Variants in GRIN1 observed in about 807,000 individuals in gnomAD.
GRIN1 encodes the protein glutamate receptor ionotropic, NMDA 1.
GRIN1 carries 38 observed loss-of-function variants against 103.0 expected under a neutral mutation model. The observed-to-expected ratio is 0.37, with a 90% CI of 0.28 to 0.48. The LOEUF is 0.48. GRIN1 is among the 20% of genes least tolerant of loss of function. GRIN1 has a pLI of 0.98. For missense variants in GRIN1, 577 were observed against 1,288.9 expected (o/e 0.45, Z 8.46); for synonymous variants, 544 against 532.7 (o/e 1.02, Z -0.29).
intron 4 of GRIN1, 139 bp from the exon 5 acceptor site, chr9:137,156,530 C>T (rs1833228441): frequency 4.0e-6 from 5 of 1,254,024 alleles, no homozygotes; most frequent in Admixed American, 2.2e-5. Flanking sequence ...CGCAGCGCCT[C>T]TGCGAGGTCT....
intron 19 of GRIN1, 74 bp from the exon 20 acceptor site, chr9:137,167,335 GCA>G: frequency 8.7e-7 from 1 of 1,148,124 alleles, no homozygotes; most frequent in Non-Finnish European, 1.3e-6. Context: ...GGCCAGGGCG[GCA>G]CTGGGCGCTG....
At chr9:137,160,524 G>C (rs1833474457) in intron 8 of GRIN1, among the ~76,000 whole-genome samples, 1 of 152,254 alleles carries the variant, frequency 6.6e-6, no homozygotes, top group Admixed American at 6.5e-5. Context: ...CCGCCTCCCG[G>C]GTTCACGCCA....
intron 3 of GRIN1, chr9:137,148,013 C>CGGTG: frequency 1.6e-6 from 1 of 607,656 alleles, no homozygotes; most frequent in Non-Finnish European, 2.9e-6. Context: ...CCCCGGGCCT[C>CGGTG]GGTGTTTGCG....
At chr9:137,156,823 G>C in intron 5 of GRIN1, 33 bp downstream of exon 5, 2 of 1,604,618 alleles carry the variant, frequency 1.2e-6, no homozygotes, top group Non-Finnish European at 1.7e-6. Context: ...GTCCCCGAAC[G>C]GGGAGGACCC....
intron 1 of GRIN1, among the ~76,000 whole-genome samples, chr9:137,140,731 A>C (rs1430785015): frequency 1.3e-5 from 2 of 152,248 alleles, no homozygotes; most frequent in Non-Finnish European, 2.9e-5. Flanking sequence ...GATGCACATA[A>C]CCATACCCTA....
At chr9:137,145,971 G>A (rs1044356976) in intron 3 of GRIN1, 69 bp downstream of exon 3, 1 of 1,156,064 alleles carries the variant, frequency 8.7e-7, no homozygotes, top group African/African-American at 1.5e-5. Context: ...TTGTGTCTGT[G>A]GCTCCGTGTG....
At chr9:137,160,851 G>A (rs1480927127) in intron 8 of GRIN1, among the ~76,000 whole-genome samples, 1 of 152,204 alleles carries the variant, frequency 6.6e-6, no homozygotes, top group Non-Finnish European at 1.5e-5. Flanking sequence ...CGATGCTGAC[G>A]GTGGCTGGGG....
intron 3 of GRIN1, chr9:137,148,098 G>C: frequency 8.3e-7 from 1 of 1,208,544 alleles, no homozygotes; most frequent in Non-Finnish European, 1.2e-6. Flanking sequence ...ATTTTCAACC[G>C]TTTATAATCT....
rs375843969 is a variant in GRIN1, at chr9:137,161,305, T to A, written c.1356T>A (p.Pro452=). Residue 452 remains proline (P), a synonymous_variant, in exon 10 of 20, where the codon CCT becomes CCA. Coordinates refer to ENST00000371561, the MANE Select transcript of GRIN1 (RefSeq NM_007327.4). ...TSPGSPRHTV[P]QCCYGFCIDL... ...CCTACCCAGCCCGCCACACGGTGCC[T>A]CAGTGTTGCTACGGCTTTTGCATCG... The A allele has an allele frequency of 1.9e-6, 3 of 1,612,478 alleles. No homozygotes were observed. The highest frequency in any genetic ancestry group is 2.5e-6 in the Non-Finnish European group (3 of 1,179,690).
chr9:137,151,768 C>T (rs1413393016), intron 4 of GRIN1, among the ~76,000 whole-genome samples: 1 of 152,162 alleles, frequency 6.6e-6, no homozygotes, highest in African/African-American at 2.4e-5. Flanking sequence ...TGGGTTCAAG[C>T]GATTCTCCTG....
intron 19 of GRIN1, among the ~76,000 whole-genome samples, chr9:137,166,398 C>T (rs1007413083): frequency 2.0e-5 from 3 of 152,236 alleles, no homozygotes; most frequent in African/African-American, 7.2e-5. Context: ...ACCTCAGCCC[C>T]GTGGCCACCC....
chr9:137,167,540 G>T lies in GRIN1; in HGVS notation c.*13G>T. 1.3e-6 allele frequency: 1 copy of T among 774,456 alleles called. No homozygotes were observed. The highest frequency in any genetic ancestry group is 5.6e-5 in the East Asian group (1 of 17,808). 48.0% of individuals were successfully genotyped at this position (774,456 alleles called of 1,614,324 possible). On this transcript the variant is annotated 3_prime_UTR_variant, in exon 20 of 20. Transcript: ENST00000371561. ...TAGGGAGAGCTGAGACTCCCCGCCC[G>T]CCCTCCTCTGCCCCCTCCCCCGCAG...
chr9:137,144,139 G>A (rs1307211429), intron 2 of GRIN1, among the ~76,000 whole-genome samples: 1 of 152,192 alleles, frequency 6.6e-6, no homozygotes, highest in Non-Finnish European at 1.5e-5. Context: ...TTGTCCAAAG[G>A]TGGTGGGCTG....
rs540882401 is a variant in GRIN1 at position 137,139,456 on chromosome 9, C to A, written c.-31C>A. 2 of 1,474,086 alleles carry A rather than the reference C, an allele frequency of 1.4e-6. No homozygotes were observed. Among genetic ancestry groups the A allele is most frequent in the African/African-American group, 2.9e-5 (2 of 69,906 alleles). 91.3% of individuals were successfully genotyped at this position (1,474,086 alleles called of 1,614,324 possible). A position where few individuals can be genotyped will look rare whatever the true frequency, so the allele number is the denominator to read the frequency against. Reference sequence around the variant, plus strand: ...ATGCGCCGAGGGCCCCGCGTTCGCGCCGCGCAGAGCCAGGCCCGCGGCCCG... The same window carrying A: ...ATGCGCCGAGGGCCCCGCGTTCGCGACGCGCAGAGCCAGGCCCGCGGCCCG... On this transcript the variant is annotated 5_prime_UTR_variant, in exon 1 of 20. Transcript: ENST00000371561. This position sits in a 1 kb window ranked among gnomAD's most constrained non-coding sequence, Gnocchi z 7.7.
rs529327558 is a variant in GRIN1 at position 137,156,789 on chromosome 9, C to T, written c.792C>T (p.Asp264=). The part of the protein sequence containing the change: ...ISGNALRYAP[D]GILGLQLING... ...GGAACGCCCTGCGCTACGCCCCAGA[C>T]GGTGAGTGCTGGGCCTTGGCGGGGT... is the stretch of plus-strand genomic sequence containing the variant. The change falls in exon 5 of 20, where the codon GAC becomes GAT. Residue 264 remains aspartate (D), a splice_region_variant and synonymous_variant. Coordinates refer to ENST00000371561, the MANE Select transcript of GRIN1 (RefSeq NM_007327.4). The T allele has an allele frequency of 4.4e-6, 7 of 1,594,940 alleles. No individual in the cohort carries two copies. Among genetic ancestry groups the T allele is most frequent in the East Asian group, 4.6e-5 (2 of 43,694 alleles).
chr9:137,146,158 C>T lies in GRIN1; in HGVS notation c.570+256C>T, dbSNP rs1340190173. Among the ~76,000 whole-genome samples, 5 of 152,240 alleles carry T rather than the reference C, an allele frequency of 3.3e-5. No individual in the cohort carries two copies. The East Asian group carries it at 7.7e-4, about 24-fold the overall frequency. Reference sequence around the variant, plus strand: ...GAGCTCCGCAAACACCCCTGCCCCGCGCTGCCGAGCGCCCTCGTCCCCTCC... The same window carrying T: ...GAGCTCCGCAAACACCCCTGCCCCGTGCTGCCGAGCGCCCTCGTCCCCTCC... On this transcript the variant is annotated intron_variant, in intron 3 of 19. Coordinates refer to ENST00000371561, the MANE Select transcript of GRIN1 (RefSeq NM_007327.4). The surrounding 1 kb of genome is among the most constrained non-coding windows in gnomAD (Gnocchi z 6.7).
Position 137,149,020 on chromosome 9 carries a change from G to C in GRIN1, c.582G>C (p.Val194=). 1 of 1,612,098 alleles carries C rather than the reference G, an allele frequency of 6.2e-7. No individual in the cohort carries two copies. Among genetic ancestry groups the C allele is most frequent in the Non-Finnish European group, 8.5e-7 (1 of 1,178,558 alleles). The change falls in exon 4 of 20, where the codon GTG becomes GTC. Residue 194 remains valine (V), a synonymous_variant. Coordinates refer to ENST00000371561, the MANE Select transcript of GRIN1 (RefSeq NM_007327.4). ...TGCTCACACCGCAGGCAGAGAAGGT[G>C]CTGCAGTTTGACCCAGGGACCAAGA... ...LEERESKAEK[V]LQFDPGTKNV... is the part of the protein sequence containing the mutation.
chr9:137,149,559 G>A (rs1257799601), intron 4 of GRIN1, among the ~76,000 whole-genome samples: 1 of 152,268 alleles, frequency 6.6e-6, no homozygotes, highest in Non-Finnish European at 1.5e-5. Flanking sequence ...TGCAACAGCT[G>A]CAGCAGTAGC....
In GRIN1 at chr9:137,160,924, G is replaced by A. The variant is rs1419562631; in HGVS notation, c.1198-132G>A. The A allele has an allele frequency of 1.2e-5, 14 of 1,168,708 alleles. No homozygotes were observed. In the South Asian group the frequency reaches 1.4e-4, roughly 12 times the overall value. The allele number at this position is 1,168,708 out of a possible 1,614,324, so 72.4% of individuals were successfully genotyped here. On this transcript the variant is annotated intron_variant, in intron 8 of 19. Transcript: ENST00000371561. ...CCAGAGAGGGGCAGTGGCCGGCGGC[G>A]CAGGGCGGGGGGTGTGAGGGGTGCG...
Sources: gnomAD v4.1 joint callset for allele counts (sites outside exome capture counted in the v4.1 genomes callset) on GRCh38, gnomAD v4.1.1 for gene constraint, Gnocchi (gnomAD v3.1) non-coding constraint, MANE v1.5 for transcripts, NCBI Gene and HGNC (gene_info 2026-07-23, HGNC 2026-07-21) for gene names.